DYSF: variants seen among roughly 807,000 people sequenced by gnomAD.
The protein encoded by DYSF is dystrophy-associated fer-1-like 1.
DYSF carries 212 observed loss-of-function variants against 274.9 expected under a neutral mutation model. That is an observed-to-expected ratio of 0.77 (90% CI 0.69 to 0.86). The LOEUF (loss-of-function observed/expected upper bound fraction) is 0.86. Ranked by LOEUF, DYSF falls within the 40% of genes least tolerant of loss-of-function variation. The pLI is 0.00. For missense variants in DYSF, 2,666 were observed against 2,783.2 expected (o/e 0.96, Z 0.95); for synonymous variants, 1,091 against 1,078.7 (o/e 1.01, Z -0.22).
chr2:71,514,971 C>CAAA (rs60727651), intron 7 of DYSF, among the ~76,000 whole-genome samples: 14 of 138,534 alleles, frequency 1.0e-4, no homozygotes, highest in South Asian at 4.6e-4. Context: ...ATGCAATTTA[C>CAAA]AAAAAAAAAA....
chr2:71,552,052 C>G (rs2090988941), intron 19 of DYSF, among the ~76,000 whole-genome samples: 1 of 152,198 alleles, frequency 6.6e-6, no homozygotes, highest in South Asian at 2.1e-4. Context: ...ATGTATCAGG[C>G]ACTGTGCTGC....
At chr2:71,460,251 G>A (rs767554841) in intron 1 of DYSF, among the ~76,000 whole-genome samples, 6 of 152,150 alleles carry the variant, frequency 3.9e-5, no homozygotes, top group Non-Finnish European at 8.8e-5. Context: ...GATGGCGCAC[G>A]CCTCTGTCTA....
At chr2:71,519,092 CAAAAAAAAAAAAAAAA>C (rs70959240) in intron 10 of DYSF, among the ~76,000 whole-genome samples, 1 of 59,726 alleles carries the variant, frequency 1.7e-5, no homozygotes, top group Non-Finnish European at 2.9e-5. Context: ...CACTCCATCT[CAAAAAAAAAAAAAAAA>C]AAAAAAAAAA....
intron 14 of DYSF, 137 bp downstream of exon 14, chr2:71,528,538 G>T (rs967115566): frequency 5.4e-6 from 4 of 742,284 alleles, no homozygotes; most frequent in African/African-American, 1.7e-5. Context: ...ATCCTGGTGC[G>T]TGGTGAGACA....
intron 30 of DYSF, among the ~76,000 whole-genome samples, chr2:71,588,278 G>A (rs2093140599): frequency 6.6e-6 from 1 of 152,178 alleles, no homozygotes; most frequent in African/African-American, 2.4e-5. Context: ...GATTCAGGCC[G>A]AGGAGCTGCA....
rs767805308 is a variant in DYSF at position 71,553,063 on chromosome 2, C to T, written c.1859C>T (p.Thr620Ile). ...YSLFAAFYSA[T>I]MLQDVDDAIQ... Reference sequence around the variant, plus strand: ...CTGTTTGCGGCCTTCTACTCAGCCACCATGCTGCAGGATGTGGATGATGCC... The same window carrying T: ...CTGTTTGCGGCCTTCTACTCAGCCATCATGCTGCAGGATGTGGATGATGCC... Residue 620 changes from threonine to isoleucine, a missense_variant, in exon 20 of 56, where the codon ACC becomes ATC. By Grantham distance (89) the Thr-to-Ile change is moderately conservative. Coordinates refer to ENST00000410020, the MANE Select transcript of DYSF (RefSeq NM_001130987.2). The T allele has an allele frequency of 5.0e-6, 8 of 1,614,198 alleles. No individual in the cohort carries two copies. In the South Asian group the frequency reaches 8.8e-5, roughly 18 times the overall value.
At chr2:71,551,015 C>T in intron 17 of DYSF, 26 bp from the exon 18 acceptor site, 8 of 1,609,272 alleles carry the variant, frequency 5.0e-6, no homozygotes, top group Non-Finnish European at 6.8e-6. Context: ...GGGCCGACCC[C>T]TCTGATTGCC....
intron 3 of DYSF, among the ~76,000 whole-genome samples, chr2:71,494,988 G>A (rs1297667560): frequency 6.6e-6 from 1 of 152,210 alleles, no homozygotes; most frequent in East Asian, 1.9e-4. Context: ...GTCACTGGGT[G>A]GGATGGGAAT....
intron 14 of DYSF, among the ~76,000 whole-genome samples, chr2:71,531,442 C>T (rs1423361713): frequency 1.3e-5 from 2 of 151,924 alleles, no homozygotes; most frequent in Admixed American, 6.5e-5. Context: ...ATGTTGGTTG[C>T]TGAGGTTGAA....
At chr2:71,685,350 A>C (rs552723291) in intron 55 of DYSF, among the ~76,000 whole-genome samples, 1 of 152,282 alleles carries the variant, frequency 6.6e-6, no homozygotes, top group African/African-American at 2.4e-5. Flanking sequence ...GATCCTAGGT[A>C]AGGGGTCTAG....
In DYSF at chr2:71,481,959, G is replaced by A. The variant is rs143761164; in HGVS notation, c.228G>A (p.Met76Ile). 7.4e-6 allele frequency: 12 copies of A among 1,613,994 alleles called. No individual in the cohort carries two copies. Among genetic ancestry groups the A allele is most frequent in the Non-Finnish European group, 1.0e-5 (12 of 1,180,004 alleles). Residue 76 changes from methionine (M) to isoleucine (I), a missense_variant, in exon 3 of 56, where the codon ATG becomes ATA. Transcript: ENST00000410020. Reference sequence around the variant, plus strand: ...TGGTGGTCAAAGACCATGAGACGATGGGGAGGAACAGGTAAGGTGGCCAGA... The same window carrying A: ...TGGTGGTCAAAGACCATGAGACGATAGGGAGGAACAGGTAAGGTGGCCAGA... ...LHVVVKDHET[M>I]GRNRFLGEAK...
intron 42 of DYSF, among the ~76,000 whole-genome samples, chr2:71,646,096 C>T (rs2094563980): frequency 6.6e-6 from 1 of 152,214 alleles, no homozygotes; most frequent in Non-Finnish European, 1.5e-5. Flanking sequence ...GACCTGGCTG[C>T]TCAGAGATGA....
intron 3 of DYSF, among the ~76,000 whole-genome samples, chr2:71,486,728 C>T (rs1447666318): frequency 6.6e-6 from 1 of 152,098 alleles, no homozygotes; most frequent in African/African-American, 2.4e-5. Flanking sequence ...AGGGATGGAT[C>T]GACTTTATCT....
At position 71,681,154 on chromosome 2, in the gene DYSF, G is replaced by T. The variant is rs1334610245; in HGVS notation, c.6173+44G>T. ...AGCCCCAATGCCCACAGGTCTGGGG[G>T]TATAGGCCACAGTCCAGGAGGCATC... On this transcript the variant is annotated intron_variant, in intron 54 of 55. Coordinates refer to ENST00000410020, the MANE Select transcript of DYSF (RefSeq NM_001130987.2). The T allele has an allele frequency of 5.7e-6, 9 of 1,569,200 alleles. No homozygotes were observed. In the African/African-American group the frequency reaches 9.4e-5, roughly 16 times the overall value.
chr2:71,571,805 CTCACACCCAGCACACACACA>C (rs2092483926), intron 29 of DYSF, among the ~76,000 whole-genome samples: 3 of 115,312 alleles, frequency 2.6e-5, no homozygotes. Context: ...GCACACACAG[CTCACACCCAGCACACACACA>C]TCACACCCAG....
chr2:71,460,933 G>T (rs2081256036), intron 1 of DYSF, among the ~76,000 whole-genome samples: 1 of 119,028 alleles, frequency 8.4e-6, no homozygotes. Context: ...CATTGTGATA[G>T]ACAGGAAAAA....
chr2:71,571,662 AC>A (rs2092465860), intron 29 of DYSF, among the ~76,000 whole-genome samples: 1 of 141,676 alleles, frequency 7.1e-6, no homozygotes, highest in Admixed American at 7.0e-5. Flanking sequence ...CACAGATCAC[AC>A]CCAGCACACC....
chr2:71,494,484 T>G (rs1046574358), intron 3 of DYSF, among the ~76,000 whole-genome samples: 1 of 152,228 alleles, frequency 6.6e-6, no homozygotes, highest in Admixed American at 6.5e-5. Flanking sequence ...GATGTCCCCC[T>G]AAACTTAGCA....
intron 10 of DYSF, among the ~76,000 whole-genome samples, chr2:71,519,811 GTTTTTTTTTTTT>G (rs70959241): frequency 5.9e-5 from 6 of 102,278 alleles, no homozygotes; most frequent in African/African-American, 1.6e-4. Context: ...CACCCGGCTA[GTTTTTTTTTTTT>G]TTTTTTTTTT....
Sources: gnomAD v4.1 joint callset for allele counts (sites outside exome capture counted in the v4.1 genomes callset) on GRCh38, gnomAD v4.1.1 for gene constraint, MANE v1.5 for transcripts, NCBI Gene and HGNC (gene_info 2026-07-23, HGNC 2026-07-21) for gene names.